ZNF827: variants seen among roughly 807,000 people sequenced by gnomAD.
ZNF827 encodes the protein zinc finger protein 827.
In ZNF827, 13 loss-of-function variants were observed where a neutral mutation model predicts 102.4. The ratio of observed to expected loss-of-function variants is 0.13; its 90% CI spans 0.08 to 0.20. The LOEUF (loss-of-function observed/expected upper bound fraction) is 0.20, where lower values mean the gene tolerates loss of function less well. Ranked by LOEUF, ZNF827 falls within the 10% of genes least tolerant of loss-of-function variation. The probability of loss-of-function intolerance (pLI) is 1.00; values close to 1 mark genes in which losing one functional copy is unlikely to be tolerated. For synonymous variants in ZNF827, 523 were observed against 536.2 expected (o/e 0.98, Z 0.34); for missense variants, 1,103 against 1,344.4 (o/e 0.82, Z 2.81).
At chr4:145,767,239 T>G (rs1232939334) in intron 11 of ZNF827, among the ~76,000 whole-genome samples, 1 of 152,196 alleles carries the variant, frequency 6.6e-6, no homozygotes. Flanking sequence ...TTTCTACTGA[T>G]GAAAACTGCA....
chr4:145,814,081 A>C (rs1742320879), intron 8 of ZNF827, among the ~76,000 whole-genome samples: 1 of 152,218 alleles, frequency 6.6e-6, no homozygotes, highest in African/African-American at 2.4e-5. Context: ...TCAGAATTCG[A>C]AGCTTTTTGA....
At chr4:145,870,058 C>T (rs922709745) in intron 5 of ZNF827, among the ~76,000 whole-genome samples, 187 bp downstream of exon 5, 1 of 152,180 alleles carries the variant, frequency 6.6e-6, no homozygotes, top group Non-Finnish European at 1.5e-5. Flanking sequence ...AGGTACACAG[C>T]TAATATACAC....
intron 8 of ZNF827, among the ~76,000 whole-genome samples, chr4:145,782,982 T>C (rs1738315627): frequency 6.6e-6 from 1 of 152,214 alleles, no homozygotes; most frequent in African/African-American, 2.4e-5. Flanking sequence ...GAGTTAGTCA[T>C]TTCCCCTGCT....
At chr4:145,833,884 T>C (rs1744532998) in intron 7 of ZNF827, among the ~76,000 whole-genome samples, 1 of 151,852 alleles carries the variant, frequency 6.6e-6, no homozygotes, top group Non-Finnish European at 1.5e-5. Flanking sequence ...CCCCAACCTC[T>C]TATCTCTGTG....
chr4:145,905,229 A>T (rs1751749708), intron 1 of ZNF827, among the ~76,000 whole-genome samples: 1 of 152,196 alleles, frequency 6.6e-6, no homozygotes, highest in African/African-American at 2.4e-5. Flanking sequence ...GTAGGGATTG[A>T]GCCAAAATCC....
chr4:145,775,848 G>A lies in ZNF827; in HGVS notation c.2634C>T (p.Asp878=). The A allele has an allele frequency of 6.2e-7, 1 of 1,614,188 alleles. No individual in the cohort carries two copies. Among genetic ancestry groups the A allele is most frequent in the Non-Finnish European group, 8.5e-7 (1 of 1,180,046 alleles). The change falls in exon 10 of 15, where the codon GAC becomes GAT. Residue 878 remains aspartate, a synonymous_variant. Coordinates refer to ENST00000508784, the MANE Select transcript of ZNF827 (RefSeq NM_001306215.2). ...CTTCAGAGGTGACGGCGCTGACAAT[G>A]TCCTCGGTGTCTGTACTCACCAGCT... ...SVKLVSTDTE[D]IVSAVTSEGS...
intron 8 of ZNF827, among the ~76,000 whole-genome samples, chr4:145,816,591 C>T (rs1189003413): frequency 2.0e-5 from 3 of 152,154 alleles, no homozygotes; most frequent in African/African-American, 7.2e-5. Context: ...TCAACAGCTC[C>T]CCTTTGAAAT....
At chr4:145,798,556 C>G (rs970478021) in intron 8 of ZNF827, among the ~76,000 whole-genome samples, 9 of 152,072 alleles carry the variant, frequency 5.9e-5, no homozygotes, top group Non-Finnish European at 1.2e-4. Flanking sequence ...TTCCTGGCTA[C>G]TTGGGAGGCT....
chr4:145,810,741 T>G (rs141800842), intron 8 of ZNF827, among the ~76,000 whole-genome samples: 96 of 152,324 alleles, frequency 6.3e-4, no homozygotes, highest in African/African-American at 2.2e-3. Context: ...CCTACAGATC[T>G]CCTTCATTCT....
intron 8 of ZNF827, among the ~76,000 whole-genome samples, chr4:145,794,782 C>T (rs973054371): frequency 6.6e-6 from 1 of 152,186 alleles, no homozygotes; most frequent in African/African-American, 2.4e-5. Flanking sequence ...ACCTAATTCA[C>T]AGAGCTGTTT....
At chr4:145,782,708 G>C (rs975892598) in intron 8 of ZNF827, among the ~76,000 whole-genome samples, 2 of 152,100 alleles carry the variant, frequency 1.3e-5, no homozygotes, top group African/African-American at 2.4e-5. Context: ...TATGGCAAAG[G>C]CTCCTCAAGG....
intron 5 of ZNF827, among the ~76,000 whole-genome samples, chr4:145,857,999 T>G (rs749534832): frequency 1.4e-4 from 21 of 152,238 alleles, no homozygotes; most frequent in Non-Finnish European, 2.2e-4. Context: ...GTATCTGATC[T>G]AACCTTAAAG....
chr4:145,805,468 A>G (rs1741327720), intron 8 of ZNF827, among the ~76,000 whole-genome samples: 1 of 152,202 alleles, frequency 6.6e-6, no homozygotes, highest in Non-Finnish European at 1.5e-5. Context: ...ACCATCAATA[A>G]TTAACTAATT....
At chr4:145,830,794 A>G (rs1744136484) in intron 7 of ZNF827, 1 of 152,240 alleles carries the variant, frequency 6.6e-6, no homozygotes, top group African/African-American at 2.4e-5. Context: ...TTGCATCAGT[A>G]TCATGTGAAA....
intron 8 of ZNF827, 93 bp downstream of exon 8, chr4:145,823,328 TC>T: frequency 9.6e-7 from 1 of 1,041,042 alleles, no homozygotes; most frequent in Non-Finnish European, 1.5e-6. Flanking sequence ...AATAACTACA[TC>T]CGTAAGCTGA....
intron 1 of ZNF827, among the ~76,000 whole-genome samples, chr4:145,931,908 T>C (rs531732527): frequency 1.2e-4 from 19 of 152,342 alleles, no homozygotes; most frequent in African/African-American, 4.1e-4. Flanking sequence ...TGAATGTTGG[T>C]GTCCCCCCCA....
At position 145,765,039 on chromosome 4, in the gene ZNF827, T is replaced by G. The variant is rs1275445764; in HGVS notation, c.3179A>C (p.Glu1060Ala). 6.2e-7 allele frequency: 1 copy of G among 1,614,194 alleles called. No homozygotes were observed. The highest frequency in any genetic ancestry group is 8.5e-7 in the Non-Finnish European group (1 of 1,180,024). ...DVCHKFMKTP[E>A]QLLEHKKCHT... ...GCATTTCTTATGCTCCAGCAGCTGTTCGGGGGTCTTCATGAACTTGTGGCA... is the reference window on the plus strand; with the variant it reads ...GCATTTCTTATGCTCCAGCAGCTGTGCGGGGGTCTTCATGAACTTGTGGCA... Residue 1060 changes from glutamate (E) to alanine (A), a missense_variant, in exon 13 of 15, where the codon GAA becomes GCA. Transcript: ENST00000508784. This position sits in a 1 kb window ranked among gnomAD's most constrained non-coding sequence, Gnocchi z 4.7.
intron 4 of ZNF827, 25 bp downstream of exon 4, chr4:145,885,653 A>AT: frequency 2.1e-6 from 3 of 1,444,880 alleles, no homozygotes; most frequent in Non-Finnish European, 2.8e-6. Context: ...AGAGAGAGAG[A>AT]GAGAATACAA....
At chr4:145,885,085 T>A (rs965015022) in intron 4 of ZNF827, among the ~76,000 whole-genome samples, 4 of 151,986 alleles carry the variant, frequency 2.6e-5, no homozygotes, top group African/African-American at 4.8e-5. Context: ...GCACCTAAAA[T>A]GGTTAAAATG....
Sources: allele counts gnomAD v4.1 joint callset (sites outside exome capture counted in the v4.1 genomes callset), GRCh38; gene constraint gnomAD v4.1.1; non-coding constraint Gnocchi (gnomAD v3.1); transcripts MANE v1.5; gene names NCBI Gene and HGNC (gene_info 2026-07-23, HGNC 2026-07-21).